The following RGS7 variants were observed in gnomAD, a reference collection of about 807,000 sequenced individuals.
RGS7 encodes the protein regulator of G protein signaling 7.
In RGS7, 27 loss-of-function variants were observed where a neutral mutation model predicts 81.1. The ratio of observed to expected loss-of-function variants is 0.33; its 90% CI spans 0.25 to 0.46. The LOEUF (loss-of-function observed/expected upper bound fraction) is 0.46, where lower values mean the gene tolerates loss of function less well. Ranked by LOEUF, RGS7 falls within the 20% of genes least tolerant of loss-of-function variation. RGS7 has a pLI of 1.00. For missense variants in RGS7, 396 were observed against 607.4 expected, an observed-to-expected ratio of 0.65 and a Z score of 3.66; for synonymous variants, 208 against 207.7, an observed-to-expected ratio of 1.00 and a Z score of -0.01.
intron 2 of RGS7, among the ~76,000 whole-genome samples, chr1:241,156,054 T>TA (rs1305983416): frequency 6.6e-6 from 1 of 151,084 alleles, no homozygotes; most frequent in Admixed American, 6.6e-5. Context: ...TCTATAATAT[T>TA]AGAGTTCCTA....
intron 2 of RGS7, among the ~76,000 whole-genome samples, chr1:241,256,630 T>G (rs577825069): frequency 6.6e-6 from 1 of 152,118 alleles, no homozygotes; most frequent in Non-Finnish European, 1.5e-5. Context: ...ATCTGGTGTG[T>G]GGTGAGGGGC....
Position 241,291,570 on chromosome 1 carries a change from C to CTTTTTTTTTTTTT in RGS7, c.78+64116_78+64128dup, listed in dbSNP as rs397947911. Among the ~76,000 whole-genome samples, 43 of 94,152 alleles carry CTTTTTTTTTTTTT rather than the reference C, an allele frequency of 4.6e-4. 1 individual carries two copies. Among genetic ancestry groups the CTTTTTTTTTTTTT allele is most frequent in the East Asian group, 1.2e-3 (3 of 2,486 alleles). 61.8% of individuals were successfully genotyped at this position (94,152 alleles called of 152,430 possible). The stretch of plus-strand genomic sequence containing the variant: ...CCTTTCTGGCTCAGAGAATTCCCAG[C>CTTTTTTTTTTTTT]TTTTTTTTTTTTTTTTTGCTTTTTT... On this transcript the variant is annotated intron_variant, in intron 2 of 18. Coordinates refer to ENST00000440928, the MANE Select transcript of RGS7 (RefSeq NM_001364886.1).
chr1:241,158,745 G>A (rs1408834856), intron 2 of RGS7, among the ~76,000 whole-genome samples: 3 of 152,178 alleles, frequency 2.0e-5, no homozygotes, highest in Admixed American at 2.0e-4. Flanking sequence ...ATTCATCCCA[G>A]AGAGTCAGTG....
intron 9 of RGS7, among the ~76,000 whole-genome samples, chr1:240,828,705 T>C (rs1693287319): frequency 6.6e-6 from 1 of 152,202 alleles, no homozygotes; most frequent in Non-Finnish European, 1.5e-5. Flanking sequence ...GATAATGGCT[T>C]GAGCCCAGGA....
At chr1:241,018,795 G>C (rs541446024) in intron 3 of RGS7, among the ~76,000 whole-genome samples, 4 of 152,024 alleles carry the variant, frequency 2.6e-5, no homozygotes, top group African/African-American at 9.7e-5. Context: ...TCCATTCATC[G>C]CTTCAGTGTT....
chr1:240,777,145 A>T (rs1683084391), intron 18 of RGS7, among the ~76,000 whole-genome samples: 1 of 152,166 alleles, frequency 6.6e-6, no homozygotes, highest in East Asian at 1.9e-4. Flanking sequence ...AAGTACAAAA[A>T]TAAGCCAGGC....
intron 6 of RGS7, chr1:240,919,723 A>G: frequency 1.6e-6 from 1 of 619,854 alleles, no homozygotes; most frequent in Non-Finnish European, 2.9e-6. Context: ...TGAGCTTTGA[A>G]ACAAGGTGAG....
At position 241,221,725 on chromosome 1, in the gene RGS7, C is replaced by T. The variant is rs533814059; in HGVS notation, c.79-122963G>A. ...AGGCCTGTATATAACAAAAGACTGA[C>T]CACCCCCAACTGAAAAAAGAATTCT... is the stretch of plus-strand genomic sequence containing the variant. On this transcript the variant is annotated intron_variant, in intron 2 of 18. Coordinates refer to ENST00000440928, the MANE Select transcript of RGS7 (RefSeq NM_001364886.1). Among the ~76,000 whole-genome samples the T allele has an allele frequency of 3.3e-5, 5 of 152,278 alleles. No individual in the cohort carries two copies. The East Asian group carries it at 9.6e-4, about 29-fold the overall frequency.
chr1:241,139,052 C>T (rs1449598117), intron 2 of RGS7, among the ~76,000 whole-genome samples: 1 of 152,040 alleles, frequency 6.6e-6, no homozygotes, highest in East Asian at 1.9e-4. Context: ...TAAATGGAAC[C>T]ACACAATATG....
chr1:241,048,806 C>T (rs1354641879), intron 3 of RGS7, among the ~76,000 whole-genome samples: 1 of 152,176 alleles, frequency 6.6e-6, no homozygotes. Flanking sequence ...TGGCTTAAAA[C>T]AACAGACATT....
chr1:241,318,739 G>C (rs1470328777), intron 2 of RGS7, among the ~76,000 whole-genome samples: 1 of 152,092 alleles, frequency 6.6e-6, no homozygotes, highest in African/African-American at 2.4e-5. Context: ...GCTTCCCAAA[G>C]TACTGGGATT....
At chr1:241,028,038 C>T (rs1188379393) in intron 3 of RGS7, among the ~76,000 whole-genome samples, 1 of 152,160 alleles carries the variant, frequency 6.6e-6, no homozygotes, top group Non-Finnish European at 1.5e-5. Context: ...CGTGTATCAG[C>T]TCTATGAGCA....
At chr1:241,038,863 A>G (rs892857599) in intron 3 of RGS7, among the ~76,000 whole-genome samples, 3 of 152,146 alleles carry the variant, frequency 2.0e-5, no homozygotes, top group Admixed American at 2.0e-4. Flanking sequence ...GCTACCCAGA[A>G]GGCTGAGGCA....
chr1:241,165,790 A>T (rs920012793), intron 2 of RGS7, among the ~76,000 whole-genome samples: 3 of 151,566 alleles, frequency 2.0e-5, no homozygotes, highest in Admixed American at 6.6e-5. Context: ...TAATAATAAA[A>T]AAAAAAAAAA....
chr1:241,079,413 T>C (rs2063010243), intron 3 of RGS7, among the ~76,000 whole-genome samples: 1 of 152,094 alleles, frequency 6.6e-6, no homozygotes, highest in African/African-American at 2.4e-5. Context: ...ATATCACATG[T>C]CCATCGAGAA....
chr1:240,996,633 T>C (rs193223087), intron 3 of RGS7, among the ~76,000 whole-genome samples: 2 of 152,324 alleles, frequency 1.3e-5, no homozygotes, highest in African/African-American at 4.8e-5. Flanking sequence ...TTTCCTTTAA[T>C]CAATTTTGCA....
intron 2 of RGS7, among the ~76,000 whole-genome samples, chr1:241,228,196 G>T (rs1425387199): frequency 6.6e-6 from 1 of 152,168 alleles, no homozygotes; most frequent in Admixed American, 6.5e-5. Flanking sequence ...TAGAGTATCA[G>T]GTGAGCCCAG....
At chr1:241,241,001 G>A (rs995059013) in intron 2 of RGS7, among the ~76,000 whole-genome samples, 12 of 151,946 alleles carry the variant, frequency 7.9e-5, no homozygotes, top group African/African-American at 2.7e-4. Flanking sequence ...TGCTCTCCTC[G>A]GCAGGCCAGA....
intron 6 of RGS7, among the ~76,000 whole-genome samples, chr1:240,879,216 T>G (rs953687682): frequency 3.3e-5 from 5 of 152,236 alleles, no homozygotes; most frequent in African/African-American, 1.2e-4. Context: ...AGATTTTAAT[T>G]TCAAAAATGT....
Sources: gnomAD v4.1 joint callset for allele counts (sites outside exome capture counted in the v4.1 genomes callset) on GRCh38, gnomAD v4.1.1 for gene constraint, MANE v1.5 for transcripts, NCBI Gene and HGNC (gene_info 2026-07-23, HGNC 2026-07-21) for gene names.